CYP27B1: variants seen among roughly 807,000 people sequenced by gnomAD.
The protein encoded by CYP27B1 is 25-hydroxyvitamin D-1 alpha hydroxylase, mitochondrial.
CYP27B1 carries 46 observed loss-of-function variants against 54.8 expected under a neutral mutation model. That is an observed-to-expected ratio of 0.84 (90% CI 0.66 to 1.07). The LOEUF is 1.07. CYP27B1 is among the 50% of genes least tolerant of loss of function. The pLI, the probability that CYP27B1 is intolerant of heterozygous loss-of-function variation, is 0.00. For missense variants in CYP27B1, 674 were observed against 692.2 expected (o/e 0.97, Z 0.30); for synonymous variants, 292 against 297.3 (o/e 0.98, Z 0.18).
Position 57,765,204 on chromosome 12 carries a change from G to A in CYP27B1, c.597C>T (p.Ala199=). The change falls in exon 4 of 9, where the codon GCC becomes GCT. Residue 199 remains alanine (A), a synonymous_variant. Transcript: ENST00000228606. The surrounding 1 kb of genome is among the most constrained non-coding windows in gnomAD (Gnocchi z 5.8). The stretch of plus-strand genomic sequence containing the variant: ...CCAAGCGCGAGCCGAGCAGAACCGC[G>A]GCGATGCCTTGTCGGGAGGGGGCGC... The part of the protein sequence containing the change: ...EFYKFGLEGI[A]AVLLGSRLGC... The A allele has an allele frequency of 1.9e-6, 3 of 1,612,682 alleles. No homozygotes were observed. The highest frequency in any genetic ancestry group is 1.1e-5 in the South Asian group (1 of 91,000).
Position 57,763,156 on chromosome 12 carries a change from A to G in CYP27B1, c.1513T>C (p.Phe505Leu). ...TTTCCATGGGACTATCTGTCCAAAAACTGTAGGTTGATGCTCCTTTCAGGT... is the reference window on the plus strand; with the variant it reads ...TTTCCATGGGACTATCTGTCCAAAAGCTGTAGGTTGATGCTCCTTTCAGGT... Reference protein sequence around the residue: ...LVPERSINLQFLDR With the variant: ...LVPERSINLQLLDR Residue 505 changes from phenylalanine (F) to leucine (L), a missense_variant, in exon 9 of 9, where the codon TTT becomes CTT. Transcript: ENST00000228606. 1 of 1,612,950 alleles carries G rather than the reference A, an allele frequency of 6.2e-7. No individual in the cohort carries two copies. The highest frequency in any genetic ancestry group is 8.5e-7 in the Non-Finnish European group (1 of 1,178,866).
intron 8 of CYP27B1, 125 bp from the exon 9 acceptor site, chr12:57,763,380 G>T: frequency 1.1e-6 from 1 of 876,426 alleles, no homozygotes; most frequent in Non-Finnish European, 1.9e-6. Context: ...GGTGGCACCT[G>T]TGGCCAGTAG....
chr12:57,762,704 C>A lies in CYP27B1; in HGVS notation c.*438G>T. On this transcript the variant is annotated 3_prime_UTR_variant, in exon 9 of 9. Coordinates refer to ENST00000228606, the MANE Select transcript of CYP27B1 (RefSeq NM_000785.4). ...AAACAAATAAGGCTTCACCCTTCCT[C>A]TCAAAGAGCTTACATGCAAAGACGA... 3.9e-6 allele frequency: 1 copy of A among 257,498 alleles called. No homozygotes were observed. Among genetic ancestry groups the A allele is most frequent in the South Asian group, 4.9e-5 (1 of 20,608 alleles). 16.0% of individuals were successfully genotyped at this position (257,498 alleles called of 1,614,324 possible).
rs372422608 is a variant in CYP27B1 at position 57,767,072 on chromosome 12, C to A, written c.-31G>T. The A allele has an allele frequency of 6.2e-6, 10 of 1,604,938 alleles. No homozygotes were observed. The African/African-American group carries it at 9.4e-5, about 15-fold the overall frequency. On this transcript the variant is annotated 5_prime_UTR_variant, in exon 1 of 9. Coordinates refer to ENST00000228606, the MANE Select transcript of CYP27B1 (RefSeq NM_000785.4). ...GGTTCAGGGTGCTCGCGAAAGAAAG[C>A]GCTTCTCCTGAGCATCATATCTCAA... is the stretch of plus-strand genomic sequence containing the variant.
rs771566796 is a variant in CYP27B1, at chr12:57,765,260, G to A, written c.589+37C>T. The A allele has an allele frequency of 2.9e-5, 46 of 1,611,370 alleles. No homozygotes were observed. In the South Asian group the frequency reaches 3.7e-4, roughly 13 times the overall value. Reference sequence around the variant, plus strand: ...GGGTTCCGGGAGGCTCTGGTAGGGCGCCCCCGACGCCTGCCCAGCTCTGTC... The same window carrying A: ...GGGTTCCGGGAGGCTCTGGTAGGGCACCCCCGACGCCTGCCCAGCTCTGTC... On this transcript the variant is annotated intron_variant, in intron 3 of 8. Transcript: ENST00000228606. This position sits in a 1 kb window ranked among gnomAD's most constrained non-coding sequence, Gnocchi z 5.8.
intron 7 of CYP27B1, 106 bp downstream of exon 7, chr12:57,763,992 T>A: frequency 9.0e-7 from 1 of 1,114,030 alleles, no homozygotes. Flanking sequence ...TAGAGAGGGG[T>A]CAAGGGGAGT....
At chr12:57,763,345 T>G in intron 8 of CYP27B1, 90 bp from the exon 9 acceptor site, 2 of 1,023,602 alleles carry the variant, frequency 2.0e-6, no homozygotes, top group Non-Finnish European at 1.5e-6. Context: ...GCATGCATTA[T>G]TAGTGTTAGA....
rs762684209 is a variant in CYP27B1, at chr12:57,764,908, C to T, written c.809G>A (p.Arg270Gln). ...CCTCATGGCTGCCTCTGCCTCTCGC[C>T]GCTCCACGTGCCTCTGAGCTGCGTG... ...MFAFAQRHVE[R>Q]REAEAAMRNG... The change falls in exon 5 of 9, where the codon CGG becomes CAG. Residue 270 changes from arginine to glutamine, a missense_variant. Physicochemically the swap from Arg to Gln is conservative, Grantham distance 43. Transcript: ENST00000228606. 1.6e-5 allele frequency: 26 copies of T among 1,614,036 alleles called. No homozygotes were observed. Among genetic ancestry groups the T allele is most frequent in the Non-Finnish European group, 1.9e-5 (23 of 1,180,046 alleles).
chr12:57,763,941 G>T (rs1175731499), intron 7 of CYP27B1, 133 bp from the exon 8 acceptor site: 3 of 1,086,456 alleles, frequency 2.8e-6, no homozygotes, highest in Non-Finnish European at 4.2e-6. Flanking sequence ...CTTTTGGAAG[G>T]ATCTCCCCAC....
rs771598984 is a variant in CYP27B1 at position 57,765,200 on chromosome 12, C to T, written c.601G>A (p.Val201Ile). 5 of 1,612,780 alleles carry T rather than the reference C, an allele frequency of 3.1e-6. No individual in the cohort carries two copies. Among genetic ancestry groups the T allele is most frequent in the Middle Eastern group, 1.6e-4 (1 of 6,062 alleles). The change falls in exon 4 of 9, where the codon GTT becomes ATT. Residue 201 changes from valine to isoleucine, a missense_variant. By Grantham distance (29) the Val-to-Ile change is conservative. Transcript: ENST00000228606. This position sits in a 1 kb window ranked among gnomAD's most constrained non-coding sequence, Gnocchi z 5.8. The part of the protein sequence containing the change: ...YKFGLEGIAA[V>I]LLGSRLGCLE... ...CAGCCCAAGCGCGAGCCGAGCAGAA[C>T]CGCGGCGATGCCTTGTCGGGAGGGG...
chr12:57,766,539 A>G, intron 1 of CYP27B1: 1 of 569,114 alleles, frequency 1.8e-6, no homozygotes, highest in Middle Eastern at 4.7e-4. Flanking sequence ...TGTAGCTTTA[A>G]GCCGCAAGCA....
At position 57,762,920 on chromosome 12, in the gene CYP27B1, A is replaced by G. The variant is rs960612975; in HGVS notation, c.*222T>C. ...GGATGCATACATGATCAGAAGGGCCAAGCAAGCAGAGAGACCATGGTTTTC... is the reference window on the plus strand; with the variant it reads ...GGATGCATACATGATCAGAAGGGCCGAGCAAGCAGAGAGACCATGGTTTTC... On this transcript the variant is annotated 3_prime_UTR_variant, in exon 9 of 9. Transcript: ENST00000228606. 1.5e-5 allele frequency: 8 copies of G among 546,186 alleles called. No homozygotes were observed. The highest frequency in any genetic ancestry group is 2.7e-5 in the Non-Finnish European group (8 of 295,820). 33.8% of individuals were successfully genotyped at this position (546,186 alleles called of 1,614,324 possible).
chr12:57,766,089 C>T lies in CYP27B1; in HGVS notation c.304G>A (p.Gly102Arg). 6.5e-7 allele frequency: 1 copy of T among 1,549,652 alleles called. No homozygotes were observed. The highest frequency in any genetic ancestry group is 8.7e-7 in the Non-Finnish European group (1 of 1,151,456). Residue 102 changes from glycine (G) to arginine (R), a missense_variant, in exon 2 of 9, where the codon GGA (glycine) becomes AGA (arginine). Coordinates refer to ENST00000228606, the MANE Select transcript of CYP27B1 (RefSeq NM_000785.4). ...ALVEELLRQE[G>R]PRPERCSFSP... is the part of the protein sequence containing the mutation. ...AAGCTGCAGCGCTCGGGCCGGGGTCCCTCCTGTCGCAGCAGCTCCTCGACG... is the reference window on the plus strand; with the variant it reads ...AAGCTGCAGCGCTCGGGCCGGGGTCTCTCCTGTCGCAGCAGCTCCTCGACG...
Position 57,766,206 on chromosome 12 carries a change from G to A in CYP27B1, c.196-9C>T. ...TGCGCGGCGCCCTGCACCTGGGGGA[G>A]CGGACACAGCGGACACTTGGATACC... On this transcript the variant is annotated splice_polypyrimidine_tract_variant and intron_variant, in intron 1 of 8. Coordinates refer to ENST00000228606, the MANE Select transcript of CYP27B1 (RefSeq NM_000785.4). 1.3e-6 allele frequency: 2 copies of A among 1,525,550 alleles called. No homozygotes were observed. Among genetic ancestry groups the A allele is most frequent in the Non-Finnish European group, 1.8e-6 (2 of 1,134,740 alleles). The allele number at this position is 1,525,550 out of a possible 1,614,324, so 94.5% of individuals were successfully genotyped here. A position where few individuals can be genotyped will look rare whatever the true frequency, so the allele number is the denominator to read the frequency against.
chr12:57,762,535 T>TC lies in CYP27B1; in HGVS notation c.*606dup, dbSNP rs1217028891. 6.1e-6 allele frequency: 1 copy of TC among 164,254 alleles called. No homozygotes were observed. The highest frequency in any genetic ancestry group is 2.4e-5 in the African/African-American group (1 of 41,570). The allele number at this position is 164,254 out of a possible 1,614,324, so 10.2% of individuals were successfully genotyped here. A position where few individuals can be genotyped will look rare whatever the true frequency, so the allele number is the denominator to read the frequency against. ...AAACCAGGCTAGGGCAGATTCACCT[T>TC]CCTAGGGGCAAGACAAAGAAGGAAG... On this transcript the variant is annotated 3_prime_UTR_variant, in exon 9 of 9. Transcript: ENST00000228606.
chr12:57,763,295 C>A, intron 8 of CYP27B1, 40 bp from the exon 9 acceptor site: 2 of 1,426,710 alleles, frequency 1.4e-6, no homozygotes, highest in Non-Finnish European at 2.0e-6. Context: ...TGAAAGATAT[C>A]TATAATGGGG....
At position 57,765,987 on chromosome 12, in the gene CYP27B1, T is replaced by G; in HGVS notation, c.386+20A>C. ...GGCCGCTGCAGGGCGTCTGGGCTTC[T>G]GGGGGCAGAGAAGACTCACGCAGTG... On this transcript the variant is annotated intron_variant, in intron 2 of 8. Coordinates refer to ENST00000228606, the MANE Select transcript of CYP27B1 (RefSeq NM_000785.4). The surrounding 1 kb of genome is among the most constrained non-coding windows in gnomAD (Gnocchi z 5.8). 6.5e-7 allele frequency: 1 copy of G among 1,539,868 alleles called. No individual in the cohort carries two copies. Among genetic ancestry groups the G allele is most frequent in the African/African-American group, 1.4e-5 (1 of 73,334 alleles).
At chr12:57,764,025 T>C in intron 7 of CYP27B1, 73 bp downstream of exon 7, 2 of 1,293,276 alleles carry the variant, frequency 1.5e-6, no homozygotes, top group South Asian at 2.4e-5. Flanking sequence ...TTTAGGAGAG[T>C]GTTTGAGAAC....
Position 57,766,908 on chromosome 12 carries a change from G to A in CYP27B1, c.134C>T (p.Thr45Met). The change falls in exon 1 of 9, where the codon ACG becomes ATG. Residue 45 changes from threonine (T) to methionine (M), a missense_variant. Thr to Met is a moderately conservative substitution (Grantham distance 81). Transcript: ENST00000228606. Reference sequence around the variant, plus strand: ...GAAAAGTTCGGCCAGAAAGCTGGGCGTAGAGGGGCCTGGGATGTCTGCCAA... The same window carrying A: ...GAAAAGTTCGGCCAGAAAGCTGGGCATAGAGGGGCCTGGGATGTCTGCCAA... ...RSLADIPGPS[T>M]PSFLAELFCK... 3 of 1,614,166 alleles carry A rather than the reference G, an allele frequency of 1.9e-6. No homozygotes were observed. Among genetic ancestry groups the A allele is most frequent in the South Asian group, 2.2e-5 (2 of 91,086 alleles).
Sources: gnomAD v4.1 joint callset for allele counts on GRCh38, gnomAD v4.1.1 for gene constraint, Gnocchi (gnomAD v3.1) non-coding constraint, MANE v1.5 for transcripts, NCBI Gene and HGNC (gene_info 2026-07-23, HGNC 2026-07-21) for gene names.